ARL15: variants seen among roughly 807,000 people sequenced by gnomAD.
ARL15 encodes ARF like GTPase 15, also known as ADP-ribosylation factor-like protein 15.
Under a neutral mutation model 25.2 loss-of-function variants are expected in ARL15, and 19 were observed. That is an observed-to-expected ratio of 0.75 (90% CI 0.53 to 1.10). The LOEUF (loss-of-function observed/expected upper bound fraction) is 1.10. Ranked by LOEUF, ARL15 falls within the 50% of genes least tolerant of loss-of-function variation. The pLI is 0.00. For synonymous variants in ARL15, 94 were observed against 86.8 expected, an observed-to-expected ratio of 1.08 and a Z score of -0.46; for missense variants, 220 against 246.0, an observed-to-expected ratio of 0.89 and a Z score of 0.71.
intron 4 of ARL15, among the ~76,000 whole-genome samples, chr5:54,063,205 G>C (rs192197120): frequency 2.0e-5 from 3 of 152,194 alleles, no homozygotes. Flanking sequence ...CGTGTCTTCC[G>C]AGTACAACTG....
chr5:53,953,776 G>A (rs568667613), intron 4 of ARL15, among the ~76,000 whole-genome samples: 11 of 152,088 alleles, frequency 7.2e-5, no homozygotes, highest in East Asian at 3.9e-4. Context: ...TAATTAATAC[G>A]GATATATCAA....
intron 1 of ARL15, among the ~76,000 whole-genome samples, chr5:54,203,362 A>T (rs947855975): frequency 6.6e-6 from 1 of 152,196 alleles, no homozygotes; most frequent in Non-Finnish European, 1.5e-5. Context: ...TATATAGCAT[A>T]TCGCCAAGAA....
intron 4 of ARL15, among the ~76,000 whole-genome samples, chr5:53,928,223 A>G (rs531081473): frequency 3.3e-5 from 5 of 152,312 alleles, no homozygotes; most frequent in African/African-American, 9.6e-5. Flanking sequence ...GGAGAAGGGT[A>G]TGATTTATGG....
At chr5:53,965,623 T>G (rs1305648269) in intron 4 of ARL15, among the ~76,000 whole-genome samples, 1 of 151,548 alleles carries the variant, frequency 6.6e-6, no homozygotes, top group African/African-American at 2.4e-5. Flanking sequence ...TTTCTGTTTT[T>G]CTTTTTTTTT....
chr5:54,111,913 G>A (rs1047048941), intron 4 of ARL15, among the ~76,000 whole-genome samples: 2 of 152,000 alleles, frequency 1.3e-5, no homozygotes, highest in Non-Finnish European at 2.9e-5. Flanking sequence ...AAGCACATTA[G>A]GAGACACCAT....
intron 4 of ARL15, among the ~76,000 whole-genome samples, chr5:54,096,473 G>A (rs1200349444): frequency 6.6e-6 from 1 of 152,102 alleles, no homozygotes; most frequent in East Asian, 1.9e-4. Flanking sequence ...GAGTGCAGTG[G>A]TGCCATCTTG....
chr5:53,951,403 G>C (rs531511538), intron 4 of ARL15: 13 of 440,374 alleles, frequency 3.0e-5, no homozygotes, highest in African/African-American at 2.1e-4. Flanking sequence ...GGATGTTGCA[G>C]AGATGTCAGA....
intron 4 of ARL15, among the ~76,000 whole-genome samples, chr5:53,982,727 T>C (rs1211297627): frequency 1.3e-5 from 2 of 152,162 alleles, no homozygotes; most frequent in Non-Finnish European, 2.9e-5. Context: ...GGTCAAATGG[T>C]ATTTCTGGTT....
intron 4 of ARL15, among the ~76,000 whole-genome samples, chr5:54,103,135 C>T (rs1465282670): frequency 1.3e-5 from 2 of 152,054 alleles, no homozygotes; most frequent in African/African-American, 4.8e-5. Context: ...GACTCTTCTC[C>T]TTTGTAACCT....
chr5:53,953,523 T>C (rs539107571), intron 4 of ARL15, among the ~76,000 whole-genome samples: 1 of 152,294 alleles, frequency 6.6e-6, no homozygotes, highest in East Asian at 1.9e-4. Flanking sequence ...TTAGAAAATT[T>C]ATTACGCAAA....
At chr5:54,280,045 G>A (rs868350190) in intron 1 of ARL15, among the ~76,000 whole-genome samples, 28 of 152,338 alleles carry the variant, frequency 1.8e-4, no homozygotes, top group Middle Eastern at 6.8e-3. Context: ...TGCCCAGTGC[G>A]AAACTCCAGC....
chr5:54,045,757 C>T (rs948085389), intron 4 of ARL15, among the ~76,000 whole-genome samples: 4 of 152,152 alleles, frequency 2.6e-5, no homozygotes, highest in Non-Finnish European at 4.4e-5. Context: ...AATGACTTAG[C>T]ATTTACCCCC....
At chr5:54,029,133 GCT>G (rs1278677961) in intron 4 of ARL15, among the ~76,000 whole-genome samples, 6 of 152,088 alleles carry the variant, frequency 3.9e-5, no homozygotes, top group Non-Finnish European at 7.4e-5. Context: ...TCGAATCTCA[GCT>G]CTGTCTTTTA....
rs1580124360 is a variant in ARL15, at chr5:53,965,112, TAG to T, written c.463-78401_463-78400del. Among the ~76,000 whole-genome samples, 3 of 152,366 alleles carry T rather than the reference TAG, an allele frequency of 2.0e-5. No individual in the cohort carries two copies. In the East Asian group the frequency reaches 5.8e-4, roughly 29 times the overall value. On this transcript the variant is annotated intron_variant, in intron 4 of 4. Coordinates refer to ENST00000504924, the MANE Select transcript of ARL15 (RefSeq NM_019087.3). ...TGCCCAGGCCCTCTAATCTTGACTC[TAG>T]AGAGATTCAAACAAGTAGATTTTCA... is the stretch of plus-strand genomic sequence containing the variant.
At position 54,116,046 on chromosome 5, in the gene ARL15, C is replaced by T. The variant is rs191227099; in HGVS notation, c.254-2636G>A. Among the ~76,000 whole-genome samples, 4 of 152,284 alleles carry T rather than the reference C, an allele frequency of 2.6e-5. No individual in the cohort carries two copies. In the East Asian group the frequency reaches 7.7e-4, roughly 29 times the overall value. On this transcript the variant is annotated intron_variant, in intron 3 of 4. Transcript: ENST00000504924. ...TATTGTTTCAGAAATCTAGCCTCAG[C>T]TTGATGCGATAAGGAACTCTAAAGC...
chr5:54,221,763 A>G (rs1214782156), intron 1 of ARL15, among the ~76,000 whole-genome samples: 1 of 151,926 alleles, frequency 6.6e-6, no homozygotes, highest in African/African-American at 2.4e-5. Flanking sequence ...AGCTTACAAC[A>G]GGACCAAAAA....
rs187232773 is a variant in ARL15 at position 53,964,652 on chromosome 5, A to G, written c.463-77939T>C. 5.6e-4 allele frequency among the ~76,000 whole-genome samples: 86 copies of G among 152,254 alleles called. No individual in the cohort carries two copies. In the East Asian group the frequency reaches 7.7e-3, roughly 14 times the overall value. Reference sequence around the variant, plus strand: ...TGGGATTACAGGCGTGAGCCACCGCACCTGGCCTCTATACTGGTTTTAAAC... The same window carrying G: ...TGGGATTACAGGCGTGAGCCACCGCGCCTGGCCTCTATACTGGTTTTAAAC... On this transcript the variant is annotated intron_variant, in intron 4 of 4. Transcript: ENST00000504924.
intron 1 of ARL15, among the ~76,000 whole-genome samples, chr5:54,177,188 C>T (rs1754902131): frequency 6.6e-6 from 1 of 152,294 alleles, no homozygotes; most frequent in South Asian, 2.1e-4. Flanking sequence ...TATATTATGT[C>T]AGGACACAGG....
At chr5:54,161,965 C>G (rs978422415) in intron 2 of ARL15, among the ~76,000 whole-genome samples, 1 of 149,084 alleles carries the variant, frequency 6.7e-6, no homozygotes, top group African/African-American at 2.5e-5. Flanking sequence ...CCTCCTTCCA[C>G]CCCCTTTGTT....
Sources: allele counts gnomAD v4.1 joint callset (sites outside exome capture counted in the v4.1 genomes callset), GRCh38; gene constraint gnomAD v4.1.1; transcripts MANE v1.5; gene names NCBI Gene and HGNC (gene_info 2026-07-23, HGNC 2026-07-21).